Variants in GPC3 observed in about 807,000 individuals in gnomAD.
GPC3 encodes glypican 3.
In GPC3, 3 loss-of-function variants were observed where a neutral mutation model predicts 34.4. The observed-to-expected ratio is 0.09, with a 90% CI of 0.04 to 0.23. The LOEUF (loss-of-function observed/expected upper bound fraction) is 0.23. GPC3 is among the 10% of genes least tolerant of loss of function. GPC3 has a pLI of 1.00. For missense variants in GPC3, 351 were observed against 445.6 expected, an observed-to-expected ratio of 0.79 and a Z score of 1.91; for synonymous variants, 177 against 174.0, an observed-to-expected ratio of 1.02 and a Z score of -0.13.
chrX:133,536,316 T>C (rs755548700), intron 7 of GPC3, 23 bp from the exon 8 acceptor site: 1 of 1,143,842 alleles, frequency 8.7e-7, no homozygotes, highest in East Asian at 3.0e-5. Flanking sequence ...AGAGAAGGAT[T>C]TGAAATGCAA....
At chrX:133,852,046 G>A (rs187101431) in intron 2 of GPC3, among the ~76,000 whole-genome samples, 38 of 112,164 alleles carry the variant, frequency 3.4e-4, no homozygotes, top group African/African-American at 1.2e-3. Context: ...GCAGAGGGAC[G>A]AATTAAACGG....
intron 6 of GPC3, among the ~76,000 whole-genome samples, chrX:133,622,916 C>T (rs958074615): frequency 2.7e-5 from 3 of 111,890 alleles, no homozygotes; most frequent in Non-Finnish European, 3.8e-5. Context: ...AGAGAAAGGT[C>T]GGGTTACCCA....
At position 133,596,573 on chromosome X, in the gene GPC3, T is replaced by C; in HGVS notation, c.1440A>G (p.Lys480=). 5 of 1,210,834 alleles carry C rather than the reference T, an allele frequency of 4.1e-6. No individual in the cohort carries two copies. Among genetic ancestry groups the C allele is most frequent in the Non-Finnish European group, 5.6e-6 (5 of 894,831 alleles). The change falls in exon 7 of 8, where the codon AAA becomes AAG. Residue 480 remains lysine, a synonymous_variant. Coordinates refer to ENST00000370818, the MANE Select transcript of GPC3 (RefSeq NM_004484.4). ...NQLLRTMSMP[K]GRVLDKNLDE... ...CCAGGTTTTTATCCAGAACTCTACC[T>C]TTGGGCATAGACATGGTTCTCAGGA...
chrX:133,800,460 C>T (rs1457208833), intron 2 of GPC3, among the ~76,000 whole-genome samples: 1 of 112,176 alleles, frequency 8.9e-6, no homozygotes, highest in Non-Finnish European at 1.9e-5. Flanking sequence ...ATTTCATCTA[C>T]TCTGTTGTAA....
At position 133,572,995 on chromosome X, in the gene GPC3, C is replaced by G. The variant is rs186194163; in HGVS notation, c.1573+23445G>C. On this transcript the variant is annotated intron_variant, in intron 7 of 7. Coordinates refer to ENST00000370818, the MANE Select transcript of GPC3 (RefSeq NM_004484.4). ...CCAATATATATTATAAATATAAACACAAACGTTCTCAACAAAATATGAACA... is the reference window on the plus strand; with the variant it reads ...CCAATATATATTATAAATATAAACAGAAACGTTCTCAACAAAATATGAACA... 9.1e-4 allele frequency among the ~76,000 whole-genome samples: 102 copies of G among 111,705 alleles called. 1 individual carries two copies. The highest frequency in any genetic ancestry group is 1.6e-3 in the Non-Finnish European group (85 of 53,024).
At chrX:133,872,964 T>C (rs750651850) in intron 2 of GPC3, among the ~76,000 whole-genome samples, 1 of 112,981 alleles carries the variant, frequency 8.9e-6, no homozygotes, top group Admixed American at 9.3e-5. Context: ...GGCTAACATG[T>C]TTAAAAGGCA....
At chrX:133,954,652 C>T (rs754500053) in intron 1 of GPC3, among the ~76,000 whole-genome samples, 5 of 109,926 alleles carry the variant, frequency 4.5e-5, no homozygotes, top group African/African-American at 1.7e-4. Context: ...TTATATCCTC[C>T]ACCAATACTA....
At chrX:133,759,956 A>G (rs2071770285) in intron 2 of GPC3, among the ~76,000 whole-genome samples, 1 of 112,136 alleles carries the variant, frequency 8.9e-6, no homozygotes, top group South Asian at 3.7e-4. Flanking sequence ...AAAACAACCC[A>G]ATTAAAAAAT....
At chrX:133,691,045 C>T (rs757993826) in intron 5 of GPC3, among the ~76,000 whole-genome samples, 2 of 111,847 alleles carry the variant, frequency 1.8e-5, no homozygotes, top group African/African-American at 6.5e-5. Flanking sequence ...GAAAGCTCTG[C>T]GAGGACAGGA....
chrX:133,598,011 T>C (rs780888723), intron 6 of GPC3, among the ~76,000 whole-genome samples: 9 of 112,267 alleles, frequency 8.0e-5, no homozygotes, highest in Non-Finnish European at 1.1e-4. Context: ...CTGAGAACCA[T>C]AGAGTTTATA....
At chrX:133,903,844 A>G (rs1393024054) in intron 2 of GPC3, among the ~76,000 whole-genome samples, 1 of 110,821 alleles carries the variant, frequency 9.0e-6, no homozygotes, top group Non-Finnish European at 1.9e-5. Context: ...TTTCTGATCG[A>G]CCCTGACCGA....
At chrX:133,966,199 G>A (rs568274980) in intron 1 of GPC3, among the ~76,000 whole-genome samples, 2 of 112,203 alleles carry the variant, frequency 1.8e-5, no homozygotes, top group Admixed American at 9.4e-5. Flanking sequence ...ACTGCTCAAA[G>A]GCATTTCTTT....
chrX:133,568,418 G>C (rs1014601428), intron 7 of GPC3, among the ~76,000 whole-genome samples: 1 of 112,041 alleles, frequency 8.9e-6, no homozygotes, highest in Non-Finnish European at 1.9e-5. Context: ...GAGCTGTGTA[G>C]GTTCTTAGCA....
chrX:133,847,853 T>C (rs146079445), intron 2 of GPC3, among the ~76,000 whole-genome samples: 1 of 111,725 alleles, frequency 9.0e-6, no homozygotes, highest in Admixed American at 9.5e-5. Flanking sequence ...TCTATTAATG[T>C]ACAAGAGAAG....
At chrX:133,803,427 G>C (rs1331990347) in intron 2 of GPC3, among the ~76,000 whole-genome samples, 5 of 112,181 alleles carry the variant, frequency 4.5e-5, no homozygotes, top group African/African-American at 1.6e-4. Flanking sequence ...GAAAAGGCAA[G>C]ACTGGTTCAT....
At chrX:133,554,640 C>A (rs1012661221) in intron 7 of GPC3, among the ~76,000 whole-genome samples, 14 of 110,657 alleles carry the variant, frequency 1.3e-4, no homozygotes, top group Non-Finnish European at 2.3e-4. Context: ...CCTTTAGTTA[C>A]CTGTTTCTAA....
intron 2 of GPC3, among the ~76,000 whole-genome samples, chrX:133,791,823 TCCTTCCTTCCTTCCTTCCTTCCTTCCTC>T (rs1446118224): frequency 1.0e-5 from 1 of 97,333 alleles, no homozygotes; most frequent in African/African-American, 4.1e-5. Flanking sequence ...CTTCCTTCCT[TCCTTCCTTCCTTCCTTCCTTCCTTCCTC>T]CCTCCCTCCC....
At chrX:133,955,904 G>A (rs947763152) in intron 1 of GPC3, among the ~76,000 whole-genome samples, 14 of 111,767 alleles carry the variant, frequency 1.3e-4, no homozygotes, top group African/African-American at 3.6e-4. Context: ...TAAGTCACCA[G>A]AAAATTTATT....
At chrX:133,865,625 G>A (rs1281327648) in intron 2 of GPC3, among the ~76,000 whole-genome samples, 1 of 112,105 alleles carries the variant, frequency 8.9e-6, no homozygotes, top group African/African-American at 3.2e-5. Flanking sequence ...ATGTAAATCG[G>A]TTGATTTTGT....
Sources: allele counts gnomAD v4.1 joint callset (sites outside exome capture counted in the v4.1 genomes callset), GRCh38; gene constraint gnomAD v4.1.1; transcripts MANE v1.5; gene names NCBI Gene and HGNC (gene_info 2026-07-23, HGNC 2026-07-21).